The following SHQ1 variants were observed in gnomAD, a reference collection of about 807,000 sequenced individuals.
The protein encoded by SHQ1 is SHQ1, H/ACA ribonucleoprotein assembly factor.
Under a neutral mutation model 53.8 loss-of-function variants are expected in SHQ1, and 49 were observed. The observed-to-expected ratio is 0.91, with a 90% CI of 0.72 to 1.16. The LOEUF (loss-of-function observed/expected upper bound fraction) is 1.16. Ranked by LOEUF, SHQ1 falls within the 50% of genes most tolerant of loss-of-function variation. The pLI is 0.00. For missense variants in SHQ1, 738 were observed against 683.1 expected (o/e 1.08, Z -0.90); for synonymous variants, 243 against 251.0 (o/e 0.97, Z 0.30).
intron 2 of SHQ1, 82 bp downstream of exon 2, chr3:72,844,277 C>G: frequency 8.7e-7 from 1 of 1,154,240 alleles, no homozygotes; most frequent in Non-Finnish European, 1.3e-6. Context: ...TCAAAAGGTC[C>G]CCATGGTATC....
intron 10 of SHQ1, among the ~76,000 whole-genome samples, chr3:72,762,681 G>GT (rs137929130): frequency 0.018 from 2,756 of 151,938 alleles, 79 homozygotes; most frequent in African/African-American, 0.061. Context: ...CTTGCCTCCA[G>GT]TTTTTTTTCT....
chr3:72,808,862 T>C (rs752220372), intron 9 of SHQ1, among the ~76,000 whole-genome samples: 7 of 152,174 alleles, frequency 4.6e-5, no homozygotes, highest in Non-Finnish European at 1.0e-4. Context: ...CTAACCTCTC[T>C]ATGCTGAACT....
intron 2 of SHQ1, 31 bp from the exon 3 acceptor site, chr3:72,842,433 TA>T (rs1708202873): frequency 6.3e-7 from 1 of 1,597,200 alleles, no homozygotes; most frequent in East Asian, 2.3e-5. Flanking sequence ...ATGCTTAGAT[TA>T]AAATATTTAA....
At chr3:72,763,000 C>T (rs1313668145) in intron 10 of SHQ1, among the ~76,000 whole-genome samples, 1 of 150,266 alleles carries the variant, frequency 6.7e-6, no homozygotes, top group East Asian at 2.0e-4. Context: ...TTTACCTTCA[C>T]CTTTATTATG....
intron 9 of SHQ1, among the ~76,000 whole-genome samples, chr3:72,804,897 T>A (rs576929490): frequency 6.6e-6 from 1 of 152,186 alleles, no homozygotes; most frequent in Non-Finnish European, 1.5e-5. Context: ...AATATATACA[T>A]AATCAGGTGT....
At chr3:72,774,689 G>A (rs1468145412) in intron 10 of SHQ1, among the ~76,000 whole-genome samples, 2 of 152,028 alleles carry the variant, frequency 1.3e-5, no homozygotes, top group Admixed American at 6.5e-5. Flanking sequence ...TTTACATGAA[G>A]AAAGAGTCAA....
chr3:72,729,290 C>T, the SHQ1 span, among the ~76,000 whole-genome samples: 46 of 152,314 alleles, frequency 3.0e-4, no homozygotes, highest in East Asian at 8.9e-3. Context: ...AGTCACAGGC[C>T]TCCGAACTTA....
downstream of SHQ1, among the ~76,000 whole-genome samples, chr3:72,744,923 TGG>T (rs371271667): frequency 0.021 from 1,564 of 72,752 alleles, 44 homozygotes; most frequent in African/African-American, 0.059. Flanking sequence ...TTTGATACAT[TGG>T]GGGGGGGGGG....
intron 9 of SHQ1, among the ~76,000 whole-genome samples, chr3:72,803,645 G>A (rs1056109256): frequency 6.6e-6 from 1 of 152,156 alleles, no homozygotes; most frequent in African/African-American, 2.4e-5. Flanking sequence ...TAAAGAGATA[G>A]AAAGTAAATA....
rs1329630344 is a variant in SHQ1, at chr3:72,750,957, A to G, written c.1182-121T>C. 8 of 689,236 alleles carry G rather than the reference A, an allele frequency of 1.2e-5. No homozygotes were observed. The South Asian group carries it at 1.9e-4, about 16-fold the overall frequency. The allele number at this position is 689,236 out of a possible 1,614,324, so 42.7% of individuals were successfully genotyped here. On this transcript the variant is annotated intron_variant, in intron 10 of 10. Coordinates refer to ENST00000325599, the MANE Select transcript of SHQ1 (RefSeq NM_018130.3). ...TATTTTAAATGGCACACCAGGATAT[A>G]TATCATAACAGATCCAAGATATTTA...
At chr3:72,810,558 A>G (rs1378743852) in intron 9 of SHQ1, among the ~76,000 whole-genome samples, 2 of 152,220 alleles carry the variant, frequency 1.3e-5, no homozygotes, top group Non-Finnish European at 2.9e-5. Flanking sequence ...ACTATGGAAC[A>G]CTATACTGAC....
At chr3:72,731,411 CG>C in the SHQ1 span, among the ~76,000 whole-genome samples, 209 of 151,594 alleles carry the variant, frequency 1.4e-3, 4 homozygotes, top group Admixed American at 2.3e-3. Flanking sequence ...TTGGGCTGGG[CG>C]CGGTGGCACA....
In SHQ1 at chr3:72,750,469, C is replaced by A. The variant is rs745500197; in HGVS notation, c.1549G>T (p.Glu517Ter). 1 of 1,614,184 alleles carries A rather than the reference C, an allele frequency of 6.2e-7. No homozygotes were observed. The highest frequency in any genetic ancestry group is 8.5e-7 in the Non-Finnish European group (1 of 1,180,024). ...GGCTTTCCCTGACTGGCATCAGACTCCTGGATGGCTGTGTTTCTGCGTACT... is the reference window on the plus strand; with the variant it reads ...GGCTTTCCCTGACTGGCATCAGACTACTGGATGGCTGTGTTTCTGCGTACT... ...GGVRRNTAIQ[E>*]SDASQGKPLA... The change falls in exon 11 of 11, where the codon GAG (glutamate) becomes TAG (stop). Residue 517 changes from glutamate to a stop codon, truncating the protein, a stop_gained. Transcript: ENST00000325599. LOFTEE classifies it low-confidence loss of function (END_TRUNC).
chr3:72,807,717 T>C (rs765731596), intron 9 of SHQ1, among the ~76,000 whole-genome samples: 2 of 152,220 alleles, frequency 1.3e-5, no homozygotes, highest in African/African-American at 2.4e-5. Flanking sequence ...GTTTTAAACA[T>C]CCATTATTCT....
intron 10 of SHQ1, among the ~76,000 whole-genome samples, chr3:72,766,827 A>C (rs1705741539): frequency 1.3e-5 from 2 of 152,216 alleles, no homozygotes; most frequent in Non-Finnish European, 2.9e-5. Flanking sequence ...AACCTGCTAG[A>C]TAACTGAGTC....
chr3:72,774,776 A>G (rs1054952777), intron 10 of SHQ1, among the ~76,000 whole-genome samples: 1 of 152,230 alleles, frequency 6.6e-6, no homozygotes, highest in African/African-American at 2.4e-5. Flanking sequence ...TGATACAGAT[A>G]AAAGCAAAAG....
the SHQ1 span, among the ~76,000 whole-genome samples, chr3:72,735,710 G>GGA: frequency 3.9e-5 from 4 of 102,672 alleles, no homozygotes; most frequent in African/African-American, 1.5e-4. Context: ...GAGAGAGAGA[G>GGA]AGGAAGGAAG....
intron 9 of SHQ1, among the ~76,000 whole-genome samples, chr3:72,806,055 C>G (rs749662769): frequency 3.9e-5 from 6 of 152,106 alleles, no homozygotes; most frequent in Non-Finnish European, 5.9e-5. Flanking sequence ...TATATAATAT[C>G]CTTCTATACA....
intron 10 of SHQ1, among the ~76,000 whole-genome samples, chr3:72,765,557 A>ATATATATATATATATTTTT (rs1491527508): frequency 7.0e-5 from 4 of 57,192 alleles, no homozygotes; most frequent in African/African-American, 3.2e-4. Context: ...ATATATATAT[A>ATATATATATATATATTTTT]TTTTTTTTTT....
Sources: allele counts gnomAD v4.1 joint callset (sites outside exome capture counted in the v4.1 genomes callset), GRCh38; gene constraint gnomAD v4.1.1; transcripts MANE v1.5; gene names NCBI Gene and HGNC (gene_info 2026-07-23, HGNC 2026-07-21).